SYMPK: variants seen among roughly 807,000 people sequenced by gnomAD.
The protein encoded by SYMPK is symplekin scaffold protein.
SYMPK carries 49 observed loss-of-function variants against 136.4 expected under a neutral mutation model. The observed-to-expected ratio is 0.36, with a 90% confidence interval of 0.29 to 0.46. The LOEUF is 0.46. SYMPK is among the 20% of genes least tolerant of loss of function. SYMPK has a pLI of 1.00. For missense variants in SYMPK, 1,365 were observed against 1,690.0 expected, an observed-to-expected ratio of 0.81 and a Z score of 3.37; for synonymous variants, 766 against 713.0, an observed-to-expected ratio of 1.07 and a Z score of -1.19.
chr19:45,855,575 CAAGA>C (rs1971804307), intron 1 of SYMPK: 1 of 151,194 alleles, frequency 6.6e-6, no homozygotes, highest in Non-Finnish European at 1.5e-5. Flanking sequence ...GGAACTGTAA[CAAGA>C]AAGGAAGAAA....
chr19:45,852,581 G>A (rs754984982), intron 3 of SYMPK, 46 bp from the exon 4 acceptor site: 56 of 1,609,258 alleles, frequency 3.5e-5, no homozygotes, highest in Non-Finnish European at 3.8e-5. Flanking sequence ...CATATAAAAC[G>A]AGGGGCCAAT....
intron 16 of SYMPK, 108 bp from the exon 17 acceptor site, chr19:45,826,481 A>G (rs1430776167): frequency 1.6e-6 from 2 of 1,233,730 alleles, no homozygotes; most frequent in Non-Finnish European, 2.3e-6. Flanking sequence ...GAGGCTGAGA[A>G]GGGGCAGCCC....
At position 45,823,419 on chromosome 19, in the gene SYMPK, G is replaced by C; in HGVS notation, c.2653C>G (p.Leu885Val). 1 of 1,614,094 alleles carries C rather than the reference G, an allele frequency of 6.2e-7. No homozygotes were observed. Among genetic ancestry groups the C allele is most frequent in the Non-Finnish European group, 8.5e-7 (1 of 1,180,044 alleles). The part of the protein sequence containing the change: ...KRVRDLYHKR[L>V]PDVRFLIPVL... Reference sequence around the variant, plus strand: ...GGGATGAGGAAGCGGACGTCTGGCAGTCGCTTGTGGTAGAGATCCCGGACC... The same window carrying C: ...GGGATGAGGAAGCGGACGTCTGGCACTCGCTTGTGGTAGAGATCCCGGACC... The change falls in exon 20 of 27, where the codon CTG (leucine) becomes GTG (valine). Residue 885 changes from leucine to valine, a missense_variant. This residue lies in a region of SYMPK where 92 missense variants were observed against 198.6 expected (regional missense o/e 0.46). Transcript: ENST00000245934.
intron 10 of SYMPK, among the ~76,000 whole-genome samples, chr19:45,837,919 G>A (rs77461667): frequency 0.08 from 12,167 of 152,136 alleles, 543 homozygotes; most frequent in Non-Finnish European, 0.099. Context: ...ACATGAGTCT[G>A]AGGTGCTCCT....
rs777396319 is a variant in SYMPK, at chr19:45,847,974, C to G, written c.454G>C (p.Glu152Gln). Residue 152 changes from glutamate (E) to glutamine (Q), a missense_variant, in exon 7 of 27, where the codon GAG becomes CAG. Glu to Gln is a conservative substitution (Grantham distance 29). This residue lies in a region of SYMPK where 237 missense variants were observed against 292.9 expected (regional missense o/e 0.81). Transcript: ENST00000245934. Reference sequence around the variant, plus strand: ...ATGTCCCAGCAGGCCTCCTGTAGCTCGCTAATGACCCGTGACTTTACCATC... The same window carrying G: ...ATGTCCCAGCAGGCCTCCTGTAGCTGGCTAATGACCCGTGACTTTACCATC... ...QWMVKSRVIS[E>Q]LQEACWDMVS... is the part of the protein sequence containing the mutation. 2 of 1,599,846 alleles carry G rather than the reference C, an allele frequency of 1.3e-6. No individual in the cohort carries two copies. The highest frequency in any genetic ancestry group is 1.7e-5 in the Admixed American group (1 of 59,476).
chr19:45,844,337 G>A, intron 7 of SYMPK, 137 bp from the exon 8 acceptor site: 1 of 646,086 alleles, frequency 1.5e-6, no homozygotes, highest in Non-Finnish European at 2.5e-6. Flanking sequence ...AGAAAATGTG[G>A]TGGTTGATTA....
intron 1 of SYMPK, among the ~76,000 whole-genome samples, chr19:45,861,184 C>A (rs1018318130): frequency 1.3e-5 from 2 of 151,990 alleles, no homozygotes; most frequent in Admixed American, 1.3e-4. Flanking sequence ...GAGACTCTGC[C>A]TCAAAAAATA....
At chr19:45,833,889 C>G (rs1417281713) in intron 11 of SYMPK, among the ~76,000 whole-genome samples, 2 of 152,220 alleles carry the variant, frequency 1.3e-5, no homozygotes, top group Non-Finnish European at 2.9e-5. Context: ...CGGTGGCTCA[C>G]GCCTGTAATC....
intron 7 of SYMPK, among the ~76,000 whole-genome samples, chr19:45,845,865 T>C (rs1971547136): frequency 6.6e-6 from 1 of 152,238 alleles, no homozygotes; most frequent in Non-Finnish European, 1.5e-5. Context: ...CCAGCATTTG[T>C]TGTCTTTTTG....
At position 45,823,720 on chromosome 19, in the gene SYMPK, TAAGGA is replaced by T. The variant is rs757079283; in HGVS notation, c.2599+42_2599+46del. 340 of 1,548,344 alleles carry T rather than the reference TAAGGA, an allele frequency of 2.2e-4. 3 individuals carry two copies. In the East Asian group the frequency reaches 5.7e-3, roughly 26 times the overall value. On this transcript the variant is annotated intron_variant, in intron 19 of 26. Transcript: ENST00000245934. ...CAGATCCCCAGGGCCCGGGGAAGGCTAAGGAGAGGGAGGAAAGCCATGAAAGGTGG... is the reference window on the plus strand; with the variant it reads ...CAGATCCCCAGGGCCCGGGGAAGGCTGAGGGAGGAAAGCCATGAAAGGTGG...
At chr19:45,817,220 C>G (rs1169945924) in intron 23 of SYMPK, 2 of 503,300 alleles carry the variant, frequency 4.0e-6, no homozygotes, top group East Asian at 3.7e-5. Flanking sequence ...CAGAGCTCCC[C>G]CTGGGCCAGG....
chr19:45,818,202 T>A (rs1201183056), intron 22 of SYMPK, 56 bp from the exon 23 acceptor site: 3 of 1,471,754 alleles, frequency 2.0e-6, no homozygotes, highest in African/African-American at 1.4e-5. Context: ...CCCTGGGAGG[T>A]GGGAGTCCCG....
At chr19:45,839,366 G>T (rs1162283674) in intron 9 of SYMPK, among the ~76,000 whole-genome samples, 1 of 152,216 alleles carries the variant, frequency 6.6e-6, no homozygotes, top group Non-Finnish European at 1.5e-5. Context: ...TACAAGAGGA[G>T]TCTAGAACAT....
intron 9 of SYMPK, among the ~76,000 whole-genome samples, chr19:45,840,833 A>G (rs931785070): frequency 7.9e-5 from 12 of 151,920 alleles, no homozygotes; most frequent in Admixed American, 2.0e-4. Context: ...ACAGAGCAAG[A>G]CTGTCTCAAA....
rs1349207307 is a variant in SYMPK at position 45,854,425 on chromosome 19, CCCT to C, written c.68_70del (p.Glu23del). On this transcript the variant is annotated inframe_deletion, in exon 2 of 27. Transcript: ENST00000245934. ...GGTGGTCATGCCATCGATGCCCGGCCCCTCCTCTTGAGTGAAAAACTGTGATGC... is the reference window on the plus strand; with the variant it reads ...GGTGGTCATGCCATCGATGCCCGGCCCCTCTTGAGTGAAAAACTGTGATGC... The C allele has an allele frequency of 2.0e-5, 33 of 1,614,048 alleles. No homozygotes were observed. The highest frequency in any genetic ancestry group is 2.7e-5 in the Non-Finnish European group (32 of 1,180,034).
chr19:45,862,663 G>C (rs1482529297), intron 1 of SYMPK: 1 of 169,944 alleles, frequency 5.9e-6, no homozygotes, highest in Non-Finnish European at 1.2e-5. Flanking sequence ...TTGGTGCCGA[G>C]ACCCGAAGGA....
In SYMPK at chr19:45,816,785, G is replaced by A. The variant is rs1439403368; in HGVS notation, c.3258+13C>T. 6.6e-7 allele frequency: 1 copy of A among 1,520,558 alleles called. No individual in the cohort carries two copies. The highest frequency in any genetic ancestry group is 8.8e-7 in the Non-Finnish European group (1 of 1,133,292). The allele number at this position is 1,520,558 out of a possible 1,614,324, so 94.2% of individuals were successfully genotyped here. A position where few individuals can be genotyped will look rare whatever the true frequency, so the allele number is the denominator to read the frequency against. ...GGTGGGGGGAAAGGGTACCTGGTGG[G>A]GGGAAGGGGTACCTGGTGGGGGGTG... On this transcript the variant is annotated intron_variant, in intron 24 of 26. Coordinates refer to ENST00000245934, the MANE Select transcript of SYMPK (RefSeq NM_004819.3).
chr19:45,820,144 G>T (rs1970854515), intron 22 of SYMPK: 1 of 152,288 alleles, frequency 6.6e-6, no homozygotes, highest in African/African-American at 2.4e-5. Context: ...GATCCTCAGG[G>T]CTTCTAATCT....
rs1220019414 is a variant in SYMPK at position 45,838,484 on chromosome 19, T to C, written c.1219A>G (p.Thr407Ala). 6.2e-7 allele frequency: 1 copy of C among 1,613,810 alleles called. No homozygotes were observed. Among genetic ancestry groups the C allele is most frequent in the Non-Finnish European group, 8.5e-7 (1 of 1,179,892 alleles). Residue 407 changes from threonine (T) to alanine (A), a missense_variant, in exon 10 of 27, where the codon ACG becomes GCG. Coordinates refer to ENST00000245934, the MANE Select transcript of SYMPK (RefSeq NM_004819.3). Reference sequence around the variant, plus strand: ...ACCAGATTAGCCACATTATCAGGCGTCAGCAGAGGCTGCAGGAACTCAGCT... The same window carrying C: ...ACCAGATTAGCCACATTATCAGGCGCCAGCAGAGGCTGCAGGAACTCAGCT... Reference protein sequence around the residue: ...ITAEFLQPLLTPDNVANLVLI... With the variant: ...ITAEFLQPLLAPDNVANLVLI...
Sources: gnomAD v4.1 joint callset for allele counts (sites outside exome capture counted in the v4.1 genomes callset) on GRCh38, gnomAD v4.1.1 for gene constraint, gnomAD v4.1.1 regional missense constraint, MANE v1.5 for transcripts, NCBI Gene and HGNC (gene_info 2026-07-23, HGNC 2026-07-21) for gene names.